TECR: variants seen among roughly 807,000 people sequenced by gnomAD.
The protein encoded by TECR is very-long-chain enoyl-CoA reductase.
A neutral mutation model predicts 50.6 loss-of-function variants in TECR; 19 were observed. The ratio of observed to expected loss-of-function variants is 0.38; its 90% CI spans 0.26 to 0.55. The LOEUF is 0.55. Ranked by LOEUF, TECR falls within the 20% of genes least tolerant of loss-of-function variation. The pLI, the probability that TECR is intolerant of heterozygous loss-of-function variation, is 0.79. For missense variants in TECR, 313 were observed against 408.3 expected, an observed-to-expected ratio of 0.77 and a Z score of 2.01; for synonymous variants, 168 against 163.5, an observed-to-expected ratio of 1.03 and a Z score of -0.21.
intron 1 of TECR, chr19:14,562,016 G>A: frequency 3.7e-6 from 1 of 273,496 alleles, no homozygotes; most frequent in Non-Finnish European, 7.0e-6. Flanking sequence ...TGCCCCTGGG[G>A]CTTTCCCTGT....
chr19:14,549,980 C>T (rs1321821636), intron 1 of TECR, among the ~76,000 whole-genome samples: 1 of 151,880 alleles, frequency 6.6e-6, no homozygotes, highest in Non-Finnish European at 1.5e-5. Flanking sequence ...TACACCTGCC[C>T]CCTTCAACTG....
chr19:14,564,352 C>G, intron 7 of TECR, 65 bp downstream of exon 7: 1 of 1,304,180 alleles, frequency 7.7e-7, no homozygotes, highest in Non-Finnish European at 1.1e-6. Context: ...CCCGCCCCCA[C>G]CGAGCCCCAC....
rs867505483 is a variant in TECR, at chr19:14,551,933, C to T, written c.16-10592C>T. ...TCTCCCCCTCCCTCCCTCCCTCTCT[C>T]TCTCCCTCCCTCCCTCTCTCTCTCT... On this transcript the variant is annotated intron_variant, in intron 1 of 12. Coordinates refer to ENST00000215567, the MANE Select transcript of TECR (RefSeq NM_138501.6). Among the ~76,000 whole-genome samples the T allele has an allele frequency of 2.4e-4, 24 of 98,800 alleles. No individual in the cohort carries two copies. The South Asian group carries it at 0.012, about 48-fold the overall frequency. 64.8% of individuals were successfully genotyped at this position (98,800 alleles called of 152,430 possible). A position where few individuals can be genotyped will look rare whatever the true frequency, so the allele number is the denominator to read the frequency against.
At chr19:14,547,067 T>A (rs2146591870) in intron 1 of TECR, among the ~76,000 whole-genome samples, 1 of 152,270 alleles carries the variant, frequency 6.6e-6, no homozygotes, top group South Asian at 2.1e-4. Flanking sequence ...ACATGTATTA[T>A]AATAAGATCC....
rs752066182 is a variant in TECR, at chr19:14,563,225, T to C, written c.86T>C (p.Ile29Thr). ...FLDKVEPHAT[I>T]AEIKNLFTKT... ...CCCCAGGTGGAGCCCCACGCCACCA[T>C]TGCGGAGATCAAGAACCTCTTCACT... The change falls in exon 3 of 13, where the codon ATT becomes ACT. Residue 29 changes from isoleucine (I) to threonine (T), a missense_variant. Physicochemically the swap from Ile to Thr is moderately conservative, Grantham distance 89. Transcript: ENST00000215567. This position sits in a 1 kb window ranked among gnomAD's most constrained non-coding sequence, Gnocchi z 5.3. 5 of 1,613,316 alleles carry C rather than the reference T, an allele frequency of 3.1e-6. No individual in the cohort carries two copies. In the Admixed American group the frequency reaches 5.0e-5, roughly 16 times the overall value.
At chr19:14,528,487 C>G (rs929934301), upstream of TECR, among the ~76,000 whole-genome samples, 1 of 151,956 alleles carries the variant, frequency 6.6e-6, no homozygotes, top group Non-Finnish European at 1.5e-5. Flanking sequence ...ATCTGCCCCC[C>G]TCGGCCTCCC....
At chr19:14,559,387 G>T (rs922435477) in intron 1 of TECR, among the ~76,000 whole-genome samples, 2 of 152,032 alleles carry the variant, frequency 1.3e-5, no homozygotes, top group African/African-American at 4.8e-5. Flanking sequence ...CTGTCTGTCT[G>T]CTCTGGGTAT....
chr19:14,530,747 C>G (rs912115384), intron 1 of TECR: 1 of 152,168 alleles, frequency 6.6e-6, no homozygotes, highest in Non-Finnish European at 1.5e-5. Context: ...TTTCTTGTTT[C>G]TCACTTCCCC....
rs764727355 is a variant in TECR at position 14,563,715 on chromosome 19, G to A, written c.163+13G>A. On this transcript the variant is annotated intron_variant, in intron 4 of 12. Transcript: ENST00000215567. The surrounding 1 kb of genome is among the most constrained non-coding windows in gnomAD (Gnocchi z 5.3). Reference sequence around the variant, plus strand: ...CGCCTGGACCCCAGTGAGTACAGCTGTCCACTCGGCCCGCCCCCTGGGCTC... The same window carrying A: ...CGCCTGGACCCCAGTGAGTACAGCTATCCACTCGGCCCGCCCCCTGGGCTC... 3.1e-6 allele frequency: 5 copies of A among 1,613,078 alleles called. No homozygotes were observed. Among genetic ancestry groups the A allele is most frequent in the Non-Finnish European group, 4.2e-6 (5 of 1,179,920 alleles).
chr19:14,547,765 A>G (rs1021676952), intron 1 of TECR, among the ~76,000 whole-genome samples: 5 of 148,388 alleles, frequency 3.4e-5, no homozygotes, highest in African/African-American at 1.3e-4. Flanking sequence ...CTTAAGTGAT[A>G]CTCTTGCCTT....
intron 1 of TECR, among the ~76,000 whole-genome samples, chr19:14,538,621 C>T (rs998528089): frequency 2.6e-5 from 4 of 151,354 alleles, no homozygotes; most frequent in Non-Finnish European, 4.4e-5. Flanking sequence ...CAACCTCTGC[C>T]TCCTGGGTTC....
At chr19:14,532,939 G>A (rs889977269) in intron 1 of TECR, among the ~76,000 whole-genome samples, 6 of 151,706 alleles carry the variant, frequency 4.0e-5, no homozygotes, top group African/African-American at 9.7e-5. Flanking sequence ...GTGAAACCTC[G>A]TCTCTACTAA....
intron 1 of TECR, among the ~76,000 whole-genome samples, chr19:14,537,421 A>C (rs2072941789): frequency 6.7e-6 from 1 of 149,322 alleles, no homozygotes; most frequent in South Asian, 2.1e-4. Context: ...GGGCCCAGCA[A>C]AGCCTTCTGG....
At position 14,565,756 on chromosome 19, in the gene TECR, C is replaced by T. The variant is rs1276260764; in HGVS notation, c.812C>T (p.Ser271Phe). The T allele has an allele frequency of 1.2e-6, 2 of 1,612,020 alleles. No individual in the cohort carries two copies. The highest frequency in any genetic ancestry group is 3.3e-5 in the Admixed American group (2 of 59,928). Residue 271 changes from serine to phenylalanine, a missense_variant, in exon 13 of 13, where the codon TCC (serine) becomes TTC (phenylalanine). By Grantham distance (155) the Ser-to-Phe change is radical. Coordinates refer to ENST00000215567, the MANE Select transcript of TECR (RefSeq NM_138501.6). The part of the protein sequence containing the change: ...MTQCLPVALF[S>F]LVGFTQMTIW... ...TTCTTTCCTGCAGTGGCCCTGTTCT[C>T]CCTGGTGGGCTTCACCCAGATGACC...
Position 14,554,199 on chromosome 19 carries a change from C to T in TECR, c.16-8326C>T, listed in dbSNP as rs143881190. Among the ~76,000 whole-genome samples the T allele has an allele frequency of 3.0e-4, 45 of 152,314 alleles. 1 individual carries two copies. Among genetic ancestry groups the T allele is most frequent in the African/African-American group, 1.1e-3 (45 of 41,580 alleles). On this transcript the variant is annotated intron_variant, in intron 1 of 12. Transcript: ENST00000215567. ...TGTGAAACGGAGCTAATGGCTCCTG[C>T]TCCCTCCGGCTGCTGCAGGAGAGAT...
At chr19:14,550,468 C>G (rs1395565220) in intron 1 of TECR, among the ~76,000 whole-genome samples, 1 of 152,100 alleles carries the variant, frequency 6.6e-6, no homozygotes, top group African/African-American at 2.4e-5. Flanking sequence ...AGGGCTCAGC[C>G]TCTGGCCCCC....
Position 14,564,220 on chromosome 19 carries a change from G to C in TECR, c.422G>C (p.Arg141Pro). The C allele has an allele frequency of 6.2e-7, 1 of 1,607,910 alleles. No homozygotes were observed. The highest frequency in any genetic ancestry group is 8.5e-7 in the Non-Finnish European group (1 of 1,179,776). The change falls in exon 7 of 13, where the codon CGC becomes CCC. Residue 141 changes from arginine to proline, a missense_variant. Coordinates refer to ENST00000215567, the MANE Select transcript of TECR (RefSeq NM_138501.6). ...TGTCACTCATTCCACTACATCAAGC[G>C]CCTGCTGGAGACGCTCTTCGTGCAC... ...CICHSFHYIK[R>P]LLETLFVHRF...
intron 1 of TECR, among the ~76,000 whole-genome samples, chr19:14,544,033 G>A (rs1189884684): frequency 6.6e-6 from 1 of 152,014 alleles, no homozygotes; most frequent in Non-Finnish European, 1.5e-5. Context: ...CCAACGTGCC[G>A]GGCCTGGAGA....
At position 14,565,101 on chromosome 19, in the gene TECR, C is replaced by T; in HGVS notation, c.642C>T (p.Ala214=). ...TCGGCAACTTCTCCATCCACATGGC[C>T]CTGCGGGACCTGCGGCCCGCTGGTG... is the stretch of plus-strand genomic sequence containing the variant. ...CQLGNFSIHM[A]LRDLRPAGSK... Residue 214 remains alanine, a synonymous_variant, in exon 10 of 13, where the codon GCC becomes GCT. Transcript: ENST00000215567. 1.2e-6 allele frequency: 2 copies of T among 1,613,846 alleles called. No homozygotes were observed. Among genetic ancestry groups the T allele is most frequent in the South Asian group, 1.1e-5 (1 of 91,082 alleles).
Sources: gnomAD v4.1 joint callset for allele counts (sites outside exome capture counted in the v4.1 genomes callset) on GRCh38, gnomAD v4.1.1 for gene constraint, Gnocchi (gnomAD v3.1) non-coding constraint, MANE v1.5 for transcripts, NCBI Gene and HGNC (gene_info 2026-07-23, HGNC 2026-07-21) for gene names.